Variants in LRIT2 observed in about 807,000 individuals in gnomAD.
The protein encoded by LRIT2 is leucine-rich repeat, immunoglobulin-like domain and transmembrane domain-containing protein 2.
LRIT2 carries 23 observed loss-of-function variants against 22.4 expected under a neutral mutation model. The ratio of observed to expected loss-of-function variants is 1.03; its 90% CI spans 0.74 to 1.45. The LOEUF is 1.45. LRIT2 is among the 40% of genes most tolerant of loss of function. The pLI is 0.00. For synonymous variants in LRIT2, 291 were observed against 267.1 expected (o/e 1.09, Z -0.87); for missense variants, 784 against 665.6 (o/e 1.18, Z -1.96).
rs113627274 is a variant in LRIT2 at position 84,223,329 on chromosome 10, G to A, written c.893-649C>T. Among the ~76,000 whole-genome samples the A allele has an allele frequency of 4.0e-3, 615 of 152,178 alleles. 5 individuals carry two copies. Among genetic ancestry groups the A allele is most frequent in the African/African-American group, 0.014 (583 of 41,540 alleles). On this transcript the variant is annotated intron_variant, in intron 2 of 2. Coordinates refer to ENST00000372113, the MANE Select transcript of LRIT2 (RefSeq NM_001017924.5). ...TTACTGAGAGATTATATAACACGTT[G>A]CCAAACAGTGATTATAGAACACCAC...
rs1842514784 is a variant in LRIT2 at position 84,222,171 on chromosome 10, C to T, written c.1402G>A (p.Val468Met). 3.7e-6 allele frequency: 6 copies of T among 1,614,000 alleles called. No individual in the cohort carries two copies. The highest frequency in any genetic ancestry group is 5.1e-6 in the Non-Finnish European group (6 of 1,180,034). ...GCAAGCAGCACCACACACAGGACCA[C>T]TGTGACATGCAGGAGGTGCTCACGT... The part of the protein sequence containing the change: ...EAREHLLHVT[V>M]VLCVVLLAVP... The change falls in exon 3 of 3, where the codon GTG (valine) becomes ATG (methionine). Residue 468 changes from valine to methionine, a missense_variant. Physicochemically the swap from Val to Met is conservative, Grantham distance 21. Coordinates refer to ENST00000372113, the MANE Select transcript of LRIT2 (RefSeq NM_001017924.5).
chr10:84,222,991 C>A, intron 2 of LRIT2: 1 of 628,982 alleles, frequency 1.6e-6, no homozygotes. Flanking sequence ...GAAGACCATA[C>A]TCTTTCAACT....
At position 84,222,567 on chromosome 10, in the gene LRIT2, T is replaced by C; in HGVS notation, c.1006A>G (p.Ser336Gly). 5.0e-6 allele frequency: 8 copies of C among 1,614,054 alleles called. No individual in the cohort carries two copies. The highest frequency in any genetic ancestry group is 5.9e-6 in the Non-Finnish European group (7 of 1,180,002). Residue 336 changes from serine to glycine, a missense_variant, in exon 3 of 3, where the codon AGC becomes GGC. Coordinates refer to ENST00000372113, the MANE Select transcript of LRIT2 (RefSeq NM_001017924.5). ...TCMASNSIGK[S>G]NLVISLHVQP... is the part of the protein sequence containing the mutation. ...ACATGGAGAGAGATTACAAGGTTGC[T>C]CTTGCCAATGGAGTTGGAGGCCATG... is the stretch of plus-strand genomic sequence containing the variant.
At position 84,225,009 on chromosome 10, in the gene LRIT2, T is replaced by C. The variant is rs1290716042; in HGVS notation, c.216A>G (p.Gln72=). ...IENSPLFEMP[Q]GSFINMSTLE... ...AGGTGCTCATGTTGATGAAAGACCC[T>C]TGGGGCATCTCAAATAAGGGTGAAT... Residue 72 remains glutamine (Q), a synonymous_variant, in exon 2 of 3, where the codon CAA becomes CAG. Transcript: ENST00000372113. 1 of 1,614,102 alleles carries C rather than the reference T, an allele frequency of 6.2e-7. No homozygotes were observed. Among genetic ancestry groups the C allele is most frequent in the East Asian group, 2.2e-5 (1 of 44,874 alleles).
At chr10:84,223,624 G>A (rs1043444398) in intron 2 of LRIT2, among the ~76,000 whole-genome samples, 1 of 152,128 alleles carries the variant, frequency 6.6e-6, no homozygotes, top group African/African-American at 2.4e-5. Context: ...CAGGACACGA[G>A]GAATGTACGA....
chr10:84,222,308 T>A lies in LRIT2; in HGVS notation c.1265A>T (p.Asp422Val). 6.2e-7 allele frequency: 1 copy of A among 1,614,000 alleles called. No individual in the cohort carries two copies. The highest frequency in any genetic ancestry group is 8.5e-7 in the Non-Finnish European group (1 of 1,180,006). ...CTCATATTTTGTGCCAGGAAGGAGG[T>A]CATCCACAGCATAAGTATTGATTCC... ...GPGINTYAVD[D>V]LLPGTKYEAC... Residue 422 changes from aspartate to valine, a missense_variant, in exon 3 of 3, where the codon GAC (aspartate) becomes GTC (valine). Physicochemically the swap from Asp to Val is radical, Grantham distance 152. Coordinates refer to ENST00000372113, the MANE Select transcript of LRIT2 (RefSeq NM_001017924.5).
At position 84,225,016 on chromosome 10, in the gene LRIT2, A is replaced by C. The variant is rs1589317973; in HGVS notation, c.209T>G (p.Met70Arg). ...VRIENSPLFE[M>R]PQGSFINMST... ...CATGTTGATGAAAGACCCTTGGGGCATCTCAAATAAGGGTGAATTTTCAAT... is the reference window on the plus strand; with the variant it reads ...CATGTTGATGAAAGACCCTTGGGGCCTCTCAAATAAGGGTGAATTTTCAAT... Residue 70 changes from methionine (M) to arginine (R), a missense_variant, in exon 2 of 3, where the codon ATG becomes AGG. Transcript: ENST00000372113. The C allele has an allele frequency of 1.3e-5, 21 of 1,614,140 alleles. No individual in the cohort carries two copies. Among genetic ancestry groups the C allele is most frequent in the Non-Finnish European group, 1.8e-5 (21 of 1,180,022 alleles).
intron 2 of LRIT2, 110 bp downstream of exon 2, chr10:84,224,223 T>G (rs985605574): frequency 3.7e-5 from 41 of 1,118,748 alleles, no homozygotes; most frequent in Non-Finnish European, 4.8e-5. Flanking sequence ...CAATCTTACT[T>G]GCACCCACCC....
At position 84,222,423 on chromosome 10, in the gene LRIT2, C is replaced by T. The variant is rs143048137; in HGVS notation, c.1150G>A (p.Ala384Thr). Residue 384 changes from alanine (A) to threonine (T), a missense_variant, in exon 3 of 3, where the codon GCA becomes ACA. Coordinates refer to ENST00000372113, the MANE Select transcript of LRIT2 (RefSeq NM_001017924.5). Reference protein sequence around the residue: ...TVHGILLEWLAVADTSKEEWF... With the variant: ...TVHGILLEWLTVADTSKEEWF... ...TCCTCCTTAGAGGTGTCAGCCACTG[C>T]AAGCCACTCCAGCAAAATCCCATGC... 22 of 1,614,152 alleles carry T rather than the reference C, an allele frequency of 1.4e-5. No individual in the cohort carries two copies. The highest frequency in any genetic ancestry group is 1.2e-4 in the South Asian group (11 of 91,090).
intron 2 of LRIT2, among the ~76,000 whole-genome samples, chr10:84,223,431 T>C (rs1308585902): frequency 5.5e-5 from 8 of 144,304 alleles, no homozygotes. Flanking sequence ...CTTTCATTGA[T>C]ATTGAATGCC....
intron 2 of LRIT2, 61 bp from the exon 3 acceptor site, chr10:84,222,741 TA>T: frequency 1.3e-6 from 2 of 1,582,024 alleles, no homozygotes; most frequent in Non-Finnish European, 1.7e-6. Flanking sequence ...GGAAAGTGTC[TA>T]GCAATGCCAG....
In LRIT2 at chr10:84,224,804, C is replaced by CT. The variant is rs765250127; in HGVS notation, c.420_421insA (p.Ala141SerfsTer4). ...AATTGAAGAGCCAGCTCAGGGAGTGCATCAATCTTGTTGCGTTTGAGATCC... is the reference window on the plus strand; with the variant it reads ...AATTGAAGAGCCAGCTCAGGGAGTGCTATCAATCTTGTTGCGTTTGAGATCC... On this transcript the variant is annotated frameshift_variant, in exon 2 of 3. Coordinates refer to ENST00000372113, the MANE Select transcript of LRIT2 (RefSeq NM_001017924.5). LOFTEE classifies it high-confidence loss of function. 6.2e-7 allele frequency: 1 copy of CT among 1,614,052 alleles called. No individual in the cohort carries two copies. The highest frequency in any genetic ancestry group is 8.5e-7 in the Non-Finnish European group (1 of 1,180,008).
At chr10:84,220,553 A>C (rs1190384926), downstream of LRIT2, 1 of 152,126 alleles carries the variant, frequency 6.6e-6, no homozygotes, top group Non-Finnish European at 1.5e-5. Flanking sequence ...ATCTGAAGAA[A>C]TGAGCGGACA....
Position 84,222,021 on chromosome 10 carries a change from CCT to C in LRIT2, c.1550_1551del (p.Lys517ArgfsTer5). On this transcript the variant is annotated frameshift_variant, in exon 3 of 3. Transcript: ENST00000372113. LOFTEE classifies it low-confidence loss of function (END_TRUNC). ...GCTGGATGTTCTCTAAAGGAGCCAT[CCT>C]TGGACTGCGGGGCTGCAGGGGTGCA... The part of the protein sequence containing the change: ...PSCTPAAPQS[K>X]DGSFREHPAV... 3.1e-6 allele frequency: 5 copies of C among 1,609,838 alleles called. No individual in the cohort carries two copies. The highest frequency in any genetic ancestry group is 4.2e-6 in the Non-Finnish European group (5 of 1,177,692).
chr10:84,223,796 G>A (rs370082656), intron 2 of LRIT2, among the ~76,000 whole-genome samples: 1 of 152,118 alleles, frequency 6.6e-6, no homozygotes, highest in African/African-American at 2.4e-5. Flanking sequence ...CCAGCCCCAG[G>A]GCCCACAGAG....
rs1447687289 is a variant in LRIT2, at chr10:84,220,774, G to A, written c.*1146C>T. Reference sequence around the variant, plus strand: ...AGTCAAGGAAAGCTCTGTGGAAGACGTAATGTACACACTTGAGAGAGGCCT... The same window carrying A: ...AGTCAAGGAAAGCTCTGTGGAAGACATAATGTACACACTTGAGAGAGGCCT... On this transcript the variant is annotated 3_prime_UTR_variant, in exon 3 of 3. Transcript: ENST00000372113. The A allele has an allele frequency of 6.6e-6, 1 of 152,190 alleles. No homozygotes were observed. Among genetic ancestry groups the A allele is most frequent in the African/African-American group, 2.4e-5 (1 of 41,438 alleles). 9.4% of individuals were successfully genotyped at this position (152,190 alleles called of 1,614,324 possible).
chr10:84,222,387 G>A lies in LRIT2; in HGVS notation c.1186C>T (p.Leu396Phe). 1 of 1,614,174 alleles carries A rather than the reference G, an allele frequency of 6.2e-7. No homozygotes were observed. Among genetic ancestry groups the A allele is most frequent in the South Asian group, 1.1e-5 (1 of 91,082 alleles). The change falls in exon 3 of 3, where the codon CTC (leucine) becomes TTC (phenylalanine). Residue 396 changes from leucine to phenylalanine, a missense_variant. Coordinates refer to ENST00000372113, the MANE Select transcript of LRIT2 (RefSeq NM_001017924.5). ...AAGGCTTCATCCGATGCAATGTAGA[G>A]GGTGAACCACTCCTCCTTAGAGGTG... ...ADTSKEEWFT[L>F]YIASDEAFRK...
Position 84,222,224 on chromosome 10 carries a change from G to A in LRIT2, c.1349C>T (p.Thr450Ile). 6.2e-7 allele frequency: 1 copy of A among 1,614,236 alleles called. No individual in the cohort carries two copies. Among genetic ancestry groups the A allele is most frequent in the Non-Finnish European group, 8.5e-7 (1 of 1,180,048 alleles). The change falls in exon 3 of 3, where the codon ACA (threonine) becomes ATA (isoleucine). Residue 450 changes from threonine (T) to isoleucine (I), a missense_variant. By Grantham distance (89) the Thr-to-Ile change is moderately conservative. Coordinates refer to ENST00000372113, the MANE Select transcript of LRIT2 (RefSeq NM_001017924.5). ...CTCTAGCCCACCAGCATCTCTGCCT[G>A]TTACAAAAGCTACACACTGGCCCTG... ...PHQGQCVAFV[T>I]GRDAGGLEAR...
At chr10:84,223,886 A>G (rs1472390612) in intron 2 of LRIT2, among the ~76,000 whole-genome samples, 1 of 152,228 alleles carries the variant, frequency 6.6e-6, no homozygotes, top group Non-Finnish European at 1.5e-5. Flanking sequence ...TGTTATTTCA[A>G]ACAAGCACCC....
Sources: gnomAD v4.1 joint callset for allele counts (sites outside exome capture counted in the v4.1 genomes callset) on GRCh38, gnomAD v4.1.1 for gene constraint, MANE v1.5 for transcripts, NCBI Gene and HGNC (gene_info 2026-07-23, HGNC 2026-07-21) for gene names.